The following RPS6KA2 variants were observed in gnomAD, a reference collection of about 807,000 sequenced individuals.
The protein encoded by RPS6KA2 is ribosomal protein S6 kinase alpha-2.
In RPS6KA2, 42 loss-of-function variants were observed where a neutral mutation model predicts 91.8. The ratio of observed to expected loss-of-function variants is 0.46; its 90% confidence interval spans 0.36 to 0.59. The LOEUF is 0.59. RPS6KA2 is among the 20% of genes least tolerant of loss of function. The pLI is 0.00. For synonymous variants in RPS6KA2, 414 were observed against 393.6 expected, an observed-to-expected ratio of 1.05 and a Z score of -0.61; for missense variants, 798 against 978.5, an observed-to-expected ratio of 0.82 and a Z score of 2.46.
At position 166,697,057 on chromosome 6, in the gene RPS6KA2, A is replaced by ATGTGTG. The variant is rs3071132; in HGVS notation, c.124-158279_124-158274dup. ...CAATAAAATCTGTGTGTGTATATAT[A>ATGTGTG]TGTGTGTGTGTGTGTGTGTGTGTAT... is the stretch of plus-strand genomic sequence containing the variant. On this transcript the variant is annotated intron_variant, in intron 2 of 21. Transcript: ENST00000503859. 2.0e-3 allele frequency among the ~76,000 whole-genome samples: 297 copies of ATGTGTG among 149,658 alleles called. 2 individuals are homozygous for ATGTGTG. Among genetic ancestry groups the ATGTGTG allele is most frequent in the Admixed American group, 6.0e-3 (90 of 15,026 alleles).
intron 3 of RPS6KA2, among the ~76,000 whole-genome samples, chr6:166,511,068 GC>G (rs768362925): frequency 2.6e-4 from 39 of 152,300 alleles, no homozygotes; most frequent in Non-Finnish European, 5.4e-4. Flanking sequence ...ACCAGGTGAT[GC>G]CTGTACTTTA....
In RPS6KA2 at chr6:166,547,747, A is replaced by G. The variant is rs116296380; in HGVS notation, c.100-8963T>C. Among the ~76,000 whole-genome samples, 687 of 152,392 alleles carry G rather than the reference A, an allele frequency of 4.5e-3. 7 individuals carry two copies. Among genetic ancestry groups the G allele is most frequent in the African/African-American group, 0.016 (671 of 41,602 alleles). The stretch of plus-strand genomic sequence containing the variant: ...TTGTGATAGAGAGTAGTCAGCTGCA[A>G]TGCAGGAAAGGATGGAAAGAGTAAC... On this transcript the variant is annotated intron_variant, in intron 1 of 20. Transcript: ENST00000265678.
intron 2 of RPS6KA2, among the ~76,000 whole-genome samples, chr6:166,739,570 C>T (rs1383259523): frequency 6.6e-6 from 1 of 152,130 alleles, no homozygotes; most frequent in Non-Finnish European, 1.5e-5. Flanking sequence ...GTCAGGCAAC[C>T]GAATGAGAGA....
chr6:166,666,867 CTCAGTGT>C lies in RPS6KA2; in HGVS notation c.124-128090_124-128084del, dbSNP rs1160947254. Among the ~76,000 whole-genome samples, 2 of 152,312 alleles carry C rather than the reference CTCAGTGT, an allele frequency of 1.3e-5. No individual in the cohort carries two copies. The highest frequency in any genetic ancestry group is 3.9e-4 in the East Asian group (2 of 5,192). On this transcript the variant is annotated intron_variant, in intron 2 of 21. Coordinates refer to the RPS6KA2 transcript ENST00000503859. The surrounding 1 kb of genome is among the most constrained non-coding windows in gnomAD (Gnocchi z 4.0). ...ACAGTAGCCAAAAGATGGAAGCAAC[CTCAGTGT>C]TCATTGGTGGATGGATGGGTAGCAG...
intron 2 of RPS6KA2, among the ~76,000 whole-genome samples, chr6:166,755,735 G>A (rs1202674): frequency 0.75 from 114,080 of 152,076 alleles, 43,445 homozygotes; most frequent in East Asian, 1. Flanking sequence ...TCTTTCGGAC[G>A]TAAGACGGGG....
chr6:166,706,948 G>T (rs1022279281), intron 2 of RPS6KA2, among the ~76,000 whole-genome samples: 1 of 152,164 alleles, frequency 6.6e-6, no homozygotes, highest in South Asian at 2.1e-4. Flanking sequence ...AGAGTAAATG[G>T]TCTTCAGATT....
chr6:166,637,928 C>A (rs1787299683), intron 2 of RPS6KA2, among the ~76,000 whole-genome samples: 1 of 152,228 alleles, frequency 6.6e-6, no homozygotes, highest in South Asian at 2.1e-4. Flanking sequence ...GAGGGAGGAC[C>A]CCATAACCCC....
intron 19 of RPS6KA2, among the ~76,000 whole-genome samples, chr6:166,417,553 C>A (rs1778576407): frequency 6.6e-6 from 1 of 152,064 alleles, no homozygotes; most frequent in African/African-American, 2.4e-5. Flanking sequence ...GGCTGCCCTG[C>A]AGTCACAGAC....
chr6:166,783,542 A>T (rs1379775077), intron 2 of RPS6KA2, among the ~76,000 whole-genome samples: 2 of 152,142 alleles, frequency 1.3e-5, no homozygotes, highest in African/African-American at 4.8e-5. Flanking sequence ...CAAATGACAT[A>T]GATATATGCA....
chr6:166,412,191 G>C lies in RPS6KA2; in HGVS notation c.*571C>G, dbSNP rs1369808214. 1.3e-5 allele frequency: 2 copies of C among 152,936 alleles called. No individual in the cohort carries two copies. Among genetic ancestry groups the C allele is most frequent in the African/African-American group, 2.4e-5 (1 of 41,476 alleles). 9.5% of individuals were successfully genotyped at this position (152,936 alleles called of 1,614,324 possible). ...GCACCTCAGGCAAAAACTGAAGGGC[G>C]AGGAGGAAACGGCTCTTTGGATTAT... On this transcript the variant is annotated 3_prime_UTR_variant, in exon 21 of 21. Transcript: ENST00000265678. The surrounding 1 kb of genome is among the most constrained non-coding windows in gnomAD (Gnocchi z 4.3).
intron 2 of RPS6KA2, among the ~76,000 whole-genome samples, chr6:166,634,593 G>A (rs575779656): frequency 7.2e-5 from 11 of 152,162 alleles, no homozygotes; most frequent in Non-Finnish European, 1.5e-4. Context: ...TGTGAGATGA[G>A]AAAATAACAC....
intron 1 of RPS6KA2, among the ~76,000 whole-genome samples, chr6:166,624,304 C>T (rs906756610): frequency 2.0e-5 from 3 of 152,090 alleles, no homozygotes; most frequent in African/African-American, 7.2e-5. Flanking sequence ...AAAATGTTTC[C>T]TATTATAAAA....
chr6:166,444,887 G>T (rs1779629895), intron 14 of RPS6KA2, among the ~76,000 whole-genome samples: 1 of 152,138 alleles, frequency 6.6e-6, no homozygotes. Flanking sequence ...CACAACCTTT[G>T]GCAGAGTACC....
At chr6:166,576,444 T>C (rs1390973514) in intron 1 of RPS6KA2, among the ~76,000 whole-genome samples, 1 of 152,188 alleles carries the variant, frequency 6.6e-6, no homozygotes, top group Non-Finnish European at 1.5e-5. Context: ...ATGCTGATAA[T>C]GACGTAGACA....
At chr6:166,769,259 A>G (rs1778401740) in intron 2 of RPS6KA2, among the ~76,000 whole-genome samples, 1 of 152,222 alleles carries the variant, frequency 6.6e-6, no homozygotes, top group South Asian at 2.1e-4. Flanking sequence ...AGATAATAAT[A>G]AAACTTTTTC....
In RPS6KA2 at chr6:166,418,491, G is replaced by GAACTT. The variant is rs1778615992; in HGVS notation, c.1821-154_1821-150dup. 1 of 674,906 alleles carries GAACTT rather than the reference G, an allele frequency of 1.5e-6. No individual in the cohort carries two copies. The highest frequency in any genetic ancestry group is 2.7e-5 in the East Asian group (1 of 36,434). The allele number at this position is 674,906 out of a possible 1,614,324, so 41.8% of individuals were successfully genotyped here. A position where few individuals can be genotyped will look rare whatever the true frequency, so the allele number is the denominator to read the frequency against. ...TGAAGCCAGGATTCATGGGAAAGCG[G>GAACTT]AACTTACCTCTAACACTATGCCCGT... On this transcript the variant is annotated intron_variant, in intron 18 of 20. Transcript: ENST00000265678. This position sits in a 1 kb window ranked among gnomAD's most constrained non-coding sequence, Gnocchi z 4.9.
chr6:166,848,207 A>G (rs1342867191), intron 2 of RPS6KA2, among the ~76,000 whole-genome samples: 1 of 152,232 alleles, frequency 6.6e-6, no homozygotes, highest in Admixed American at 6.5e-5. Flanking sequence ...CCACAATGCA[A>G]TATCATCTCA....
At position 166,610,430 on chromosome 6, in the gene RPS6KA2, A is replaced by G. The variant is rs144958821; in HGVS notation, c.99+16491T>C. 4.5e-3 allele frequency among the ~76,000 whole-genome samples: 681 copies of G among 152,348 alleles called. 4 individuals are homozygous for G. Among genetic ancestry groups the G allele is most frequent in the Middle Eastern group, 0.031 (9 of 294 alleles). ...CGGCTGTAGCAAAAATCAAGAACAAAATTCAAAGGAAAGAATTCATGATGG... is the reference window on the plus strand; with the variant it reads ...CGGCTGTAGCAAAAATCAAGAACAAGATTCAAAGGAAAGAATTCATGATGG... On this transcript the variant is annotated intron_variant, in intron 1 of 20. Coordinates refer to ENST00000265678, the MANE Select transcript of RPS6KA2 (RefSeq NM_021135.6).
chr6:166,466,238 G>A (rs1230525067), intron 11 of RPS6KA2, among the ~76,000 whole-genome samples: 2 of 152,220 alleles, frequency 1.3e-5, no homozygotes, highest in African/African-American at 4.8e-5. Context: ...GAGCAGAGGC[G>A]CTGTGTAGAG....
Sources: allele counts gnomAD v4.1 joint callset (sites outside exome capture counted in the v4.1 genomes callset), GRCh38; gene constraint gnomAD v4.1.1; non-coding constraint Gnocchi (gnomAD v3.1); transcripts MANE v1.5; gene names NCBI Gene and HGNC (gene_info 2026-07-23, HGNC 2026-07-21).